DCLK1: variants seen among roughly 807,000 people sequenced by gnomAD.
The protein encoded by DCLK1 is doublecortin like kinase 1, also known as serine/threonine-protein kinase DCLK1.
In DCLK1, 16 loss-of-function variants were observed where a neutral mutation model predicts 86.2. That is an observed-to-expected ratio of 0.19 (90% confidence interval 0.13 to 0.28). DCLK1 has a LOEUF of 0.28. Among genes scored for constraint, DCLK1 ranks in the 10% least tolerant of loss-of-function variants. DCLK1 has a pLI of 1.00. For synonymous variants in DCLK1, 369 were observed against 370.5 expected (o/e 1.00, Z 0.05); for missense variants, 590 against 940.2 (o/e 0.63, Z 4.87).
intron 3 of DCLK1, among the ~76,000 whole-genome samples, chr13:35,974,426 G>A (rs71438079): frequency 0.15 from 23,156 of 152,204 alleles, 2,083 homozygotes; most frequent in East Asian, 0.23. Flanking sequence ...TAGGAGAGAG[G>A]CTGATATGAT....
intron 3 of DCLK1, among the ~76,000 whole-genome samples, chr13:36,053,604 ATG>A (rs1201285632): frequency 6.6e-6 from 1 of 150,666 alleles, no homozygotes; most frequent in African/African-American, 2.4e-5. Flanking sequence ...ATATTTCACA[ATG>A]TGTGTGTATA....
intron 3 of DCLK1, among the ~76,000 whole-genome samples, chr13:36,068,473 T>C (rs1378039488): frequency 1.3e-5 from 2 of 152,218 alleles, no homozygotes; most frequent in Non-Finnish European, 1.5e-5. Flanking sequence ...ACTTGTATAA[T>C]ATAGCTTTTA....
intron 3 of DCLK1, among the ~76,000 whole-genome samples, chr13:35,975,653 G>A (rs1040886642): frequency 2.6e-5 from 4 of 152,094 alleles, no homozygotes; most frequent in African/African-American, 9.7e-5. Context: ...TGAGCACGGG[G>A]ATGAGTTTTC....
intron 3 of DCLK1, among the ~76,000 whole-genome samples, chr13:36,052,276 C>T (rs1883148027): frequency 6.6e-6 from 1 of 152,090 alleles, no homozygotes; most frequent in African/African-American, 2.4e-5. Context: ...GATAACAGAA[C>T]TGTATTAGAT....
rs998921714 is a variant in DCLK1 at position 35,907,319 on chromosome 13, C to T, written c.824-35979G>A. On this transcript the variant is annotated intron_variant, in intron 4 of 16. Coordinates refer to ENST00000360631, the MANE Select transcript of DCLK1 (RefSeq NM_001330071.2). Reference sequence around the variant, plus strand: ...CTGGGACAACAGGTGTGCTCTGCCACACCTGGCTAATTTAAATTTTTTTTG... The same window carrying T: ...CTGGGACAACAGGTGTGCTCTGCCATACCTGGCTAATTTAAATTTTTTTTG... 3.3e-5 allele frequency among the ~76,000 whole-genome samples: 5 copies of T among 152,244 alleles called. No individual in the cohort carries two copies. The South Asian group carries it at 6.2e-4, about 19-fold the overall frequency.
intron 3 of DCLK1, among the ~76,000 whole-genome samples, chr13:35,992,480 G>A (rs750440636): frequency 6.6e-6 from 1 of 151,508 alleles, no homozygotes; most frequent in Non-Finnish European, 1.5e-5. Flanking sequence ...TAAAAGAGGA[G>A]TGAAAGGTGA....
At chr13:36,044,764 A>C (rs1882817800) in intron 3 of DCLK1, among the ~76,000 whole-genome samples, 1 of 152,122 alleles carries the variant, frequency 6.6e-6, no homozygotes, top group South Asian at 2.1e-4. Flanking sequence ...AAAGATAACA[A>C]GTTTTTATCA....
intron 5 of DCLK1, among the ~76,000 whole-genome samples, chr13:35,858,976 G>T (rs539985176): frequency 6.6e-6 from 1 of 152,320 alleles, no homozygotes; most frequent in African/African-American, 2.4e-5. Context: ...TTGAATCACT[G>T]CTGGGATAAA....
chr13:35,978,077 G>A (rs1879438911), intron 3 of DCLK1, among the ~76,000 whole-genome samples: 1 of 151,510 alleles, frequency 6.6e-6, no homozygotes, highest in South Asian at 2.1e-4. Flanking sequence ...ACAAATTGGT[G>A]TCAATTTCAA....
chr13:36,131,883 A>C (rs1342262098), upstream of DCLK1, among the ~76,000 whole-genome samples: 3 of 151,956 alleles, frequency 2.0e-5, no homozygotes, highest in Admixed American at 2.0e-4. Flanking sequence ...CGGATGACCA[A>C]CCCTCCCAAG....
intron 3 of DCLK1, among the ~76,000 whole-genome samples, chr13:35,996,056 GCATCTGGGATT>G (rs1017260120): frequency 7.2e-4 from 110 of 152,104 alleles, no homozygotes; most frequent in African/African-American, 2.5e-3. Flanking sequence ...AGCCTCCCAA[GCATCTGGGATT>G]ACAGGTGCCC....
At chr13:36,013,935 CTGTT>C (rs995862255) in intron 3 of DCLK1, among the ~76,000 whole-genome samples, 64 of 152,314 alleles carry the variant, frequency 4.2e-4, no homozygotes, top group African/African-American at 1.3e-3. Flanking sequence ...TCGTGGTGCG[CTGTT>C]TTTTAAGCCG....
rs1010261817 is a variant in DCLK1, at chr13:35,772,401, T to C, written c.*2134A>G. On this transcript the variant is annotated 3_prime_UTR_variant, in exon 17 of 17. Transcript: ENST00000360631. ...TCCACTGCAGGTAGGTCTCTGCCCA[T>C]TGCATTCTTCACACTTTTAGAGTTG... 1.3e-5 allele frequency: 2 copies of C among 152,198 alleles called. No individual in the cohort carries two copies. Among genetic ancestry groups the C allele is most frequent in the Non-Finnish European group, 2.9e-5 (2 of 68,058 alleles). 9.4% of individuals were successfully genotyped at this position (152,198 alleles called of 1,614,324 possible).
At chr13:35,775,424 T>C (rs2086407412) in intron 16 of DCLK1, among the ~76,000 whole-genome samples, 1 of 152,190 alleles carries the variant, frequency 6.6e-6, no homozygotes, top group South Asian at 2.1e-4. Flanking sequence ...CAACTCCCAG[T>C]CTCTATGCCT....
chr13:35,853,851 A>ATT (rs1870847653), intron 6 of DCLK1, among the ~76,000 whole-genome samples: 1 of 152,146 alleles, frequency 6.6e-6, no homozygotes, highest in Admixed American at 6.5e-5. Flanking sequence ...AAAGACAAAC[A>ATT]GTACAGGTTG....
intron 4 of DCLK1, among the ~76,000 whole-genome samples, chr13:35,935,169 A>G (rs773914485): frequency 3.9e-5 from 6 of 152,196 alleles, no homozygotes; most frequent in Non-Finnish European, 7.3e-5. Context: ...TTGGGAGACC[A>G]ACAAATAATA....
intron 4 of DCLK1, among the ~76,000 whole-genome samples, chr13:35,909,451 CCTCT>C (rs1197460234): frequency 6.6e-6 from 1 of 152,112 alleles, no homozygotes; most frequent in Non-Finnish European, 1.5e-5. Context: ...ACTTACTTTG[CCTCT>C]CTAAGACTTC....
intron 3 of DCLK1, among the ~76,000 whole-genome samples, chr13:35,969,807 A>T (rs1878980375): frequency 6.6e-6 from 1 of 152,102 alleles, no homozygotes; most frequent in South Asian, 2.1e-4. Context: ...CCCCCGATGT[A>T]ATAGTATTGA....
At chr13:35,909,090 C>T (rs1432865897) in intron 4 of DCLK1, among the ~76,000 whole-genome samples, 1 of 152,200 alleles carries the variant, frequency 6.6e-6, no homozygotes, top group Non-Finnish European at 1.5e-5. Context: ...TGAGCACGCT[C>T]AGTAGGTATG....
Sources: gnomAD v4.1 joint callset for allele counts (sites outside exome capture counted in the v4.1 genomes callset) on GRCh38, gnomAD v4.1.1 for gene constraint, MANE v1.5 for transcripts, NCBI Gene and HGNC (gene_info 2026-07-23, HGNC 2026-07-21) for gene names.